SH3PXD2A: variants seen among roughly 807,000 people sequenced by gnomAD.
SH3PXD2A encodes the protein SH3 and PX domains 2A, also known as SH3 and PX domain-containing protein 2A.
Under a neutral mutation model 115.2 loss-of-function variants are expected in SH3PXD2A, and 32 were observed. That is an observed-to-expected ratio of 0.28 (90% confidence interval 0.21 to 0.37). The LOEUF (loss-of-function observed/expected upper bound fraction) is 0.37. Ranked by LOEUF, SH3PXD2A falls within the 10% of genes least tolerant of loss-of-function variation. The probability of loss-of-function intolerance (pLI) is 1.00; values close to 1 mark genes in which losing one functional copy is unlikely to be tolerated. For missense variants in SH3PXD2A, 1,328 were observed against 1,498.7 expected, an observed-to-expected ratio of 0.89 and a Z score of 1.88; for synonymous variants, 610 against 629.1, an observed-to-expected ratio of 0.97 and a Z score of 0.45.
At chr10:103,800,999 C>T (rs908818195) in intron 2 of SH3PXD2A, among the ~76,000 whole-genome samples, 1 of 152,214 alleles carries the variant, frequency 6.6e-6, no homozygotes, top group Admixed American at 6.5e-5. Context: ...ACCATCCTCC[C>T]GCCTCTTCAC....
chr10:103,695,224 G>T (rs1003101882), intron 5 of SH3PXD2A, among the ~76,000 whole-genome samples: 3 of 152,200 alleles, frequency 2.0e-5, no homozygotes, highest in Non-Finnish European at 4.4e-5. Context: ...CCAGGCAGGG[G>T]TGGCTGCCTC....
chr10:103,654,086 T>C (rs2037173207), intron 8 of SH3PXD2A, among the ~76,000 whole-genome samples: 2 of 152,070 alleles, frequency 1.3e-5, no homozygotes, highest in African/African-American at 2.4e-5. Context: ...ACTATGCTTG[T>C]CTTCACCCCT....
At position 103,700,267 on chromosome 10, in the gene SH3PXD2A, G is replaced by A. The variant is rs151015303; in HGVS notation, c.399-7211C>T. Among the ~76,000 whole-genome samples the A allele has an allele frequency of 9.8e-5, 15 of 152,328 alleles. No individual in the cohort carries two copies. In the East Asian group the frequency reaches 2.7e-3, roughly 27 times the overall value. On this transcript the variant is annotated intron_variant, in intron 5 of 14. Transcript: ENST00000369774. The stretch of plus-strand genomic sequence containing the variant: ...AGTGACTTCACCTCTCTGTACCTTC[G>A]GTTGTAAAAGGGGGTTAAAATAGTT...
chr10:103,667,966 G>A (rs1236094802), intron 7 of SH3PXD2A, among the ~76,000 whole-genome samples: 3 of 152,214 alleles, frequency 2.0e-5, no homozygotes, highest in South Asian at 4.1e-4. Flanking sequence ...CAAGGCCCTA[G>A]TCCCTGAGGG....
chr10:103,841,706 C>T (rs1038980927), intron 1 of SH3PXD2A, among the ~76,000 whole-genome samples: 2 of 152,080 alleles, frequency 1.3e-5, no homozygotes, highest in African/African-American at 4.8e-5. Context: ...GGCCTTGGCA[C>T]CTGTTGTTCC....
chr10:103,698,367 G>A (rs78901513), intron 5 of SH3PXD2A, among the ~76,000 whole-genome samples: 2,957 of 152,322 alleles, frequency 0.019, 87 homozygotes, highest in African/African-American at 0.065. Flanking sequence ...TGGCAGAGAA[G>A]GACACACACA....
chr10:103,697,395 T>A (rs1393787783), intron 5 of SH3PXD2A, among the ~76,000 whole-genome samples: 1 of 152,070 alleles, frequency 6.6e-6, no homozygotes, highest in African/African-American at 2.4e-5. Context: ...TAAACCTGGG[T>A]CCTACAGAGC....
chr10:103,673,587 T>A (rs1364417338), intron 6 of SH3PXD2A: 2 of 152,090 alleles, frequency 1.3e-5, no homozygotes, highest in Non-Finnish European at 2.9e-5. Context: ...ATAAAATAAT[T>A]TTTAAAAGGG....
At chr10:103,658,454 G>A (rs1160011285) in intron 8 of SH3PXD2A, among the ~76,000 whole-genome samples, 2 of 152,274 alleles carry the variant, frequency 1.3e-5, no homozygotes, top group South Asian at 4.1e-4. Context: ...ACTCCTTCAG[G>A]TTGCACAAGA....
At chr10:103,662,386 C>CTTTTTTTTT (rs571936334) in intron 7 of SH3PXD2A, among the ~76,000 whole-genome samples, 1 of 39,714 alleles carries the variant, frequency 2.5e-5, no homozygotes, top group African/African-American at 1.2e-4. Flanking sequence ...ATATGATGTG[C>CTTTTTTTTT]TTTTTTTTTT....
intron 8 of SH3PXD2A, among the ~76,000 whole-genome samples, chr10:103,641,055 G>A (rs974112322): frequency 1.3e-5 from 2 of 152,160 alleles, no homozygotes; most frequent in African/African-American, 4.8e-5. Flanking sequence ...CTGGCAGCAC[G>A]ATCTCATTTA....
At chr10:103,757,370 C>T (rs563254493) in intron 3 of SH3PXD2A, among the ~76,000 whole-genome samples, 12 of 152,302 alleles carry the variant, frequency 7.9e-5, no homozygotes, top group African/African-American at 1.9e-4. Flanking sequence ...GCATTTTCTG[C>T]GTCTTAGATG....
chr10:103,768,160 C>CTTGCGCTCAGGGAGT, intron 2 of SH3PXD2A, among the ~76,000 whole-genome samples: 1 of 152,354 alleles, frequency 6.6e-6, no homozygotes, highest in Non-Finnish European at 1.5e-5. Context: ...AGACAAAGTT[C>CTTGCGCTCAGGGAGT]TTGCGCTCAG....
At chr10:103,826,198 C>A (rs1265365218) in intron 1 of SH3PXD2A, among the ~76,000 whole-genome samples, 3 of 152,062 alleles carry the variant, frequency 2.0e-5, no homozygotes, top group African/African-American at 7.2e-5. Context: ...AGTTTCATGA[C>A]CTCTAGCTAA....
In SH3PXD2A at chr10:103,603,053, G is replaced by C. The variant is rs2036243783; in HGVS notation, c.2165C>G (p.Ser722Cys). Reference sequence around the variant, plus strand: ...GCCGCGGATGCCTGCGTCCGAAGCAGAGCGGGGCTTCAGGTCGCCACTGGT... The same window carrying C: ...GCCGCGGATGCCTGCGTCCGAAGCACAGCGGGGCTTCAGGTCGCCACTGGT... ...SKTSGDLKPR[S>C]ASDAGIRGTP... The change falls in exon 15 of 15, where the codon TCT becomes TGT. Residue 722 changes from serine (S) to cysteine (C), a missense_variant. Physicochemically the swap from Ser to Cys is moderately radical, Grantham distance 112. This residue lies in a region of SH3PXD2A where 574 missense variants were observed against 565.7 expected (regional missense o/e 1.01). Coordinates refer to ENST00000369774, the MANE Select transcript of SH3PXD2A (RefSeq NM_001394015.1). 1 of 1,613,790 alleles carries C rather than the reference G, an allele frequency of 6.2e-7. No homozygotes were observed. Among genetic ancestry groups the C allele is most frequent in the Middle Eastern group, 1.6e-4 (1 of 6,084 alleles).
At chr10:103,606,008 T>A in intron 13 of SH3PXD2A, 91 bp from the exon 14 acceptor site, 3 of 1,391,576 alleles carry the variant, frequency 2.2e-6, no homozygotes, top group Non-Finnish European at 3.0e-6. Flanking sequence ...CCCCAGGGGG[T>A]GCGGATGGCC....
Position 103,806,198 on chromosome 10 carries a change from G to GC in SH3PXD2A, c.73-4837dup, listed in dbSNP as rs928291636. Among the ~76,000 whole-genome samples the GC allele has an allele frequency of 2.0e-4, 30 of 152,002 alleles. 1 individual carries two copies. The highest frequency in any genetic ancestry group is 3.1e-4 in the Non-Finnish European group (21 of 67,986). ...CCCAAACTTCGGGGATTTGCCAGAGGCCCCCCAGCCTACCCCCCTGGACAG... is the reference window on the plus strand; with the variant it reads ...CCCAAACTTCGGGGATTTGCCAGAGGCCCCCCCAGCCTACCCCCCTGGACAG... On this transcript the variant is annotated intron_variant, in intron 1 of 14. Transcript: ENST00000369774.
intron 1 of SH3PXD2A, among the ~76,000 whole-genome samples, chr10:103,844,227 A>G (rs1283846549): frequency 6.6e-6 from 1 of 152,214 alleles, no homozygotes; most frequent in Non-Finnish European, 1.5e-5. Flanking sequence ...AAGTGATTCT[A>G]TCCCTTCTGG....
chr10:103,762,315 A>G (rs2134218893), intron 3 of SH3PXD2A, among the ~76,000 whole-genome samples: 1 of 152,300 alleles, frequency 6.6e-6, no homozygotes, highest in African/African-American at 2.4e-5. Flanking sequence ...GGTGTGAGCC[A>G]CTGCGCCCAA....
Sources: gnomAD v4.1 joint callset for allele counts (sites outside exome capture counted in the v4.1 genomes callset) on GRCh38, gnomAD v4.1.1 for gene constraint, gnomAD v4.1.1 regional missense constraint, MANE v1.5 for transcripts, NCBI Gene and HGNC (gene_info 2026-07-23, HGNC 2026-07-21) for gene names.